Variants in DCP1B observed in about 807,000 individuals in gnomAD.
DCP1B encodes decapping mRNA 1B, also known as mRNA-decapping enzyme 1B.
DCP1B carries 47 observed loss-of-function variants against 60.5 expected under a neutral mutation model. The ratio of observed to expected loss-of-function variants is 0.78; its 90% CI spans 0.61 to 0.99. The LOEUF is 0.99. DCP1B is among the 50% of genes least tolerant of loss of function. The pLI is 0.00. For missense variants in DCP1B, 725 were observed against 756.8 expected, an observed-to-expected ratio of 0.96 and a Z score of 0.49; for synonymous variants, 267 against 280.3, an observed-to-expected ratio of 0.95 and a Z score of 0.47.
intron 4 of DCP1B, among the ~76,000 whole-genome samples, chr12:1,966,530 G>C (rs1334690985): frequency 6.6e-6 from 1 of 152,182 alleles, no homozygotes; most frequent in Non-Finnish European, 1.5e-5. Flanking sequence ...AATTCTAACT[G>C]GGGAGGGGGT....
chr12:1,998,263 A>G (rs1185648207), intron 1 of DCP1B, among the ~76,000 whole-genome samples: 1 of 152,244 alleles, frequency 6.6e-6, no homozygotes, highest in Non-Finnish European at 1.5e-5. Flanking sequence ...TGAAACAATG[A>G]GAAAATAAGT....
chr12:1,967,568 AT>A, intron 4 of DCP1B, among the ~76,000 whole-genome samples: 1 of 152,364 alleles, frequency 6.6e-6, no homozygotes, highest in Admixed American at 6.5e-5. Context: ...ACATATGAAA[AT>A]ATTAAAGAAA....
At chr12:1,997,357 G>A (rs954842812) in intron 2 of DCP1B, among the ~76,000 whole-genome samples, 4 of 152,064 alleles carry the variant, frequency 2.6e-5, no homozygotes, top group Admixed American at 6.5e-5. Flanking sequence ...TGAAACCTCC[G>A]TTGCTACTAA....
chr12:1,943,634 C>T (rs1004168254), downstream of DCP1B, among the ~76,000 whole-genome samples: 5 of 152,196 alleles, frequency 3.3e-5, no homozygotes, highest in Non-Finnish European at 5.9e-5. Flanking sequence ...GCTGGTTCAA[C>T]ATACACAAAC....
chr12:1,982,535 C>T (rs1477501658), intron 3 of DCP1B, among the ~76,000 whole-genome samples: 1 of 63,044 alleles, frequency 1.6e-5, no homozygotes, highest in Admixed American at 1.3e-4. Context: ...TCACGTTGTA[C>T]TATATATATA....
At chr12:1,972,907 T>C (rs2032951524) in intron 3 of DCP1B, among the ~76,000 whole-genome samples, 1 of 152,172 alleles carries the variant, frequency 6.6e-6, no homozygotes, top group South Asian at 2.1e-4. Flanking sequence ...GGCAGTGTTT[T>C]CACAGCAGTA....
intron 3 of DCP1B, among the ~76,000 whole-genome samples, chr12:1,985,608 T>A (rs1593101157): frequency 6.6e-6 from 1 of 152,212 alleles, no homozygotes; most frequent in East Asian, 1.9e-4. Context: ...GATTTTTTCC[T>A]TGACAGTTTG....
chr12:1,990,792 G>C (rs187658328), intron 3 of DCP1B, among the ~76,000 whole-genome samples: 3 of 152,156 alleles, frequency 2.0e-5, no homozygotes, highest in Non-Finnish European at 4.4e-5. Flanking sequence ...CAAAGAACAT[G>C]TAAACCATAC....
intron 7 of DCP1B, chr12:1,950,109 C>T (rs1294473155): frequency 9.4e-6 from 5 of 532,176 alleles, no homozygotes; most frequent in African/African-American, 7.5e-5. Flanking sequence ...TTATCAGCCT[C>T]CGAACTCCCC....
chr12:1,957,094 T>A (rs1428816599), intron 5 of DCP1B, among the ~76,000 whole-genome samples: 1 of 152,236 alleles, frequency 6.6e-6, no homozygotes, highest in African/African-American at 2.4e-5. Context: ...GTGCTCAGAA[T>A]TAATCATCCA....
At position 1,948,987 on chromosome 12, in the gene DCP1B, G is replaced by A. The variant is rs767246587; in HGVS notation, c.1773+99C>T. The A allele has an allele frequency of 1.2e-5, 17 of 1,477,388 alleles. No homozygotes were observed. Among genetic ancestry groups the A allele is most frequent in the Non-Finnish European group, 1.5e-5 (16 of 1,086,006 alleles). The allele number at this position is 1,477,388 out of a possible 1,614,324, so 91.5% of individuals were successfully genotyped here. A position where few individuals can be genotyped will look rare whatever the true frequency, so the allele number is the denominator to read the frequency against. On this transcript the variant is annotated intron_variant, in intron 8 of 8. Coordinates refer to ENST00000280665, the MANE Select transcript of DCP1B (RefSeq NM_152640.5). The surrounding 1 kb of genome is among the most constrained non-coding windows in gnomAD (Gnocchi z 4.8). ...TGTTACACACACCTGTTATTCTCACGGAAGCTAAGCAGGCCTTGGCTGAGT... is the reference window on the plus strand; with the variant it reads ...TGTTACACACACCTGTTATTCTCACAGAAGCTAAGCAGGCCTTGGCTGAGT...
intron 5 of DCP1B, among the ~76,000 whole-genome samples, chr12:1,960,621 A>G (rs1467110376): frequency 6.6e-6 from 1 of 152,250 alleles, no homozygotes; most frequent in African/African-American, 2.4e-5. Flanking sequence ...ATACATGCAT[A>G]TCAAAATATC....
intron 7 of DCP1B, among the ~76,000 whole-genome samples, chr12:1,952,196 C>T (rs968107345): frequency 1.2e-4 from 18 of 152,152 alleles, no homozygotes; most frequent in African/African-American, 4.1e-4. Context: ...TCTTAACAGA[C>T]AGGGTCTCGC....
intron 7 of DCP1B, among the ~76,000 whole-genome samples, chr12:1,951,230 G>A (rs530056541): frequency 7.2e-5 from 11 of 152,136 alleles, no homozygotes; most frequent in African/African-American, 1.7e-4. Flanking sequence ...AGCCGAGATC[G>A]CACCATTGTA....
At chr12:1,955,708 T>G (rs2030861865) in intron 5 of DCP1B, 148 bp from the exon 6 acceptor site, 1 of 961,516 alleles carries the variant, frequency 1.0e-6, no homozygotes, top group Non-Finnish European at 1.5e-6. Context: ...TAAATTTCTC[T>G]AAGAGCTATG....
intron 2 of DCP1B, among the ~76,000 whole-genome samples, chr12:1,994,822 G>C (rs1338456616): frequency 1.3e-5 from 2 of 152,178 alleles, no homozygotes; most frequent in Non-Finnish European, 2.9e-5. Flanking sequence ...AGGCCCAGGG[G>C]ATAAATGTGC....
chr12:1,996,645 AAAAAAAAAAACAAC>A lies in DCP1B; in HGVS notation c.191+1276_191+1289del, dbSNP rs1257895385. Among the ~76,000 whole-genome samples the A allele has an allele frequency of 3.5e-4, 33 of 93,926 alleles. 2 individuals carry two copies. Among genetic ancestry groups the A allele is most frequent in the African/African-American group, 7.7e-4 (14 of 18,290 alleles). 61.6% of individuals were successfully genotyped at this position (93,926 alleles called of 152,430 possible). ...AAAAAAAAAAAAAAAAAAAAAAAAA[AAAAAAAAAAACAAC>A]AAACTCTTCTAATGTTTTAAAGAAG... On this transcript the variant is annotated intron_variant, in intron 2 of 8. Coordinates refer to ENST00000280665, the MANE Select transcript of DCP1B (RefSeq NM_152640.5).
At chr12:1,958,145 A>G (rs2030962117) in intron 5 of DCP1B, among the ~76,000 whole-genome samples, 1 of 149,182 alleles carries the variant, frequency 6.7e-6, no homozygotes, top group South Asian at 2.1e-4. Context: ...GCTCTGGGCA[A>G]TGACTTTTTC....
At chr12:1,965,071 A>ATT (rs202061361) in intron 5 of DCP1B, among the ~76,000 whole-genome samples, 1 of 151,958 alleles carries the variant, frequency 6.6e-6, no homozygotes, top group Non-Finnish European at 1.5e-5. Context: ...AAATGTAGAG[A>ATT]TTTTTTTTCT....
Sources: allele counts gnomAD v4.1 joint callset (sites outside exome capture counted in the v4.1 genomes callset), GRCh38; gene constraint gnomAD v4.1.1; non-coding constraint Gnocchi (gnomAD v3.1); transcripts MANE v1.5; gene names NCBI Gene and HGNC (gene_info 2026-07-23, HGNC 2026-07-21).